IGFBP2: variants seen among roughly 807,000 people sequenced by gnomAD.
IGFBP2 encodes the protein insulin like growth factor binding protein 2.
IGFBP2 carries 12 observed loss-of-function variants against 26.2 expected under a neutral mutation model. The observed-to-expected ratio is 0.46, with a 90% confidence interval of 0.29 to 0.74. The LOEUF (loss-of-function observed/expected upper bound fraction) is 0.74, where lower values mean the gene tolerates loss of function less well. Ranked by LOEUF, IGFBP2 falls within the 30% of genes least tolerant of loss-of-function variation. The pLI is 0.09. For synonymous variants in IGFBP2, 189 were observed against 200.6 expected, an observed-to-expected ratio of 0.94 and a Z score of 0.49; for missense variants, 328 against 441.2, an observed-to-expected ratio of 0.74 and a Z score of 2.30.
intron 1 of IGFBP2, among the ~76,000 whole-genome samples, chr2:216,647,688 T>G (rs528566911): frequency 4.9e-4 from 75 of 151,892 alleles, no homozygotes; most frequent in Non-Finnish European, 9.6e-4. Flanking sequence ...CCTGGCTAAT[T>G]TTTTGTATTT....
At chr2:216,659,551 T>G (rs1697991348) in intron 1 of IGFBP2, 3 of 626,300 alleles carry the variant, frequency 4.8e-6, no homozygotes, top group Non-Finnish European at 8.7e-6. Flanking sequence ...GTCTCCTGGT[T>G]ACAGCTCTGC....
At chr2:216,643,327 G>A (rs1349943179) in intron 1 of IGFBP2, among the ~76,000 whole-genome samples, 2 of 152,118 alleles carry the variant, frequency 1.3e-5, no homozygotes, top group East Asian at 3.9e-4. Context: ...TGAGTACTGG[G>A]GCTCTACCTA....
intron 1 of IGFBP2, among the ~76,000 whole-genome samples, chr2:216,636,243 G>A (rs1466681190): frequency 2.0e-5 from 3 of 152,072 alleles, no homozygotes; most frequent in African/African-American, 4.8e-5. Flanking sequence ...TCCATCTCCC[G>A]TCCCGTCTTC....
intron 1 of IGFBP2, among the ~76,000 whole-genome samples, chr2:216,642,314 T>C (rs1455583518): frequency 7.0e-6 from 1 of 143,834 alleles, no homozygotes; most frequent in Non-Finnish European, 1.5e-5. Context: ...GCATTTTTTT[T>C]TTTTTTTTTT....
At chr2:216,646,520 G>A (rs1000009766) in intron 1 of IGFBP2, among the ~76,000 whole-genome samples, 1 of 152,046 alleles carries the variant, frequency 6.6e-6, no homozygotes, top group Non-Finnish European at 1.5e-5. Flanking sequence ...GCAAGTGCTA[G>A]ATGCTCTTTG....
chr2:216,649,786 C>G (rs1697783418), intron 1 of IGFBP2, among the ~76,000 whole-genome samples: 2 of 152,098 alleles, frequency 1.3e-5, no homozygotes, highest in Non-Finnish European at 2.9e-5. Flanking sequence ...ATAAAGGAGC[C>G]CTTTGGAGAG....
intron 1 of IGFBP2, 88 bp from the exon 2 acceptor site, chr2:216,660,469 A>T (rs1272920986): frequency 5.3e-6 from 5 of 944,092 alleles, no homozygotes; most frequent in Non-Finnish European, 7.9e-6. Context: ...CTCCACCCTC[A>T]TCATCATTAC....
chr2:216,637,035 G>C (rs1311810256), intron 1 of IGFBP2, among the ~76,000 whole-genome samples: 1 of 150,424 alleles, frequency 6.6e-6, no homozygotes, highest in Non-Finnish European at 1.5e-5. Context: ...GTTCAGTGCA[G>C]CTTCAAAAAA....
intron 1 of IGFBP2, among the ~76,000 whole-genome samples, chr2:216,638,552 T>C (rs962339435): frequency 6.6e-5 from 10 of 152,108 alleles, no homozygotes; most frequent in Admixed American, 2.0e-4. Flanking sequence ...ATGGGTTACC[T>C]GAAAGTAGGA....
intron 3 of IGFBP2, chr2:216,662,989 A>AT (rs1199925682): frequency 1.3e-5 from 2 of 152,086 alleles, no homozygotes; most frequent in Non-Finnish European, 2.9e-5. Flanking sequence ...GGGCATTGGG[A>AT]TTTTTATAAA....
rs1277669966 is a variant in IGFBP2 at position 216,649,663 on chromosome 2, G to A, written c.443-10894G>A. The stretch of plus-strand genomic sequence containing the variant: ...GCTCTTCAAGGACAGCTTGGCTCAC[G>A]GGGCCCCAGAGGACCTTGGCTGAAT... On this transcript the variant is annotated intron_variant, in intron 1 of 3. Coordinates refer to ENST00000233809, the MANE Select transcript of IGFBP2 (RefSeq NM_000597.3). 3.9e-5 allele frequency among the ~76,000 whole-genome samples: 6 copies of A among 152,178 alleles called. No homozygotes were observed. The East Asian group carries it at 7.7e-4, about 20-fold the overall frequency.
intron 1 of IGFBP2, among the ~76,000 whole-genome samples, chr2:216,643,724 G>A (rs572072154): frequency 6.6e-6 from 1 of 152,266 alleles, no homozygotes; most frequent in South Asian, 2.1e-4. Flanking sequence ...ACGAAATTGT[G>A]TTGGGCCACA....
chr2:216,634,891 A>AC (rs1697462275), intron 1 of IGFBP2, among the ~76,000 whole-genome samples: 3 of 22,426 alleles, frequency 1.3e-4, no homozygotes, highest in Non-Finnish European at 3.0e-4. Context: ...TAAGGAGGTT[A>AC]CTTTTTTTTT....
intron 1 of IGFBP2, among the ~76,000 whole-genome samples, chr2:216,634,962 C>T (rs1278026918): frequency 1.4e-5 from 2 of 143,212 alleles, no homozygotes; most frequent in African/African-American, 2.6e-5. Flanking sequence ...TATTTTCTTT[C>T]CTCTTGGAGA....
chr2:216,657,705 G>A (rs1697945537), intron 1 of IGFBP2, among the ~76,000 whole-genome samples: 1 of 152,172 alleles, frequency 6.6e-6, no homozygotes, highest in Non-Finnish European at 1.5e-5. Context: ...ACATGGTGGA[G>A]CAGGACTCCA....
At chr2:216,637,152 G>A (rs1478015948) in intron 1 of IGFBP2, among the ~76,000 whole-genome samples, 5 of 152,228 alleles carry the variant, frequency 3.3e-5, no homozygotes, top group Non-Finnish European at 7.3e-5. Context: ...CTAGGGAAAT[G>A]AGTGGGATCT....
At chr2:216,640,641 C>T (rs778061163) in intron 1 of IGFBP2, among the ~76,000 whole-genome samples, 1 of 152,148 alleles carries the variant, frequency 6.6e-6, no homozygotes, top group African/African-American at 2.4e-5. Flanking sequence ...GGTGACTCAG[C>T]GATACGAAAA....
intron 1 of IGFBP2, among the ~76,000 whole-genome samples, chr2:216,655,341 A>G (rs1375576479): frequency 1.3e-5 from 2 of 152,198 alleles, no homozygotes. Flanking sequence ...TAACTGAATC[A>G]TGGGGGTGGG....
At chr2:216,638,856 C>T (rs1347284658) in intron 1 of IGFBP2, among the ~76,000 whole-genome samples, 8 of 143,422 alleles carry the variant, frequency 5.6e-5, no homozygotes, top group Non-Finnish European at 1.2e-4. Flanking sequence ...CCTGCCACCA[C>T]GCCCGGCTAA....
Sources: allele counts gnomAD v4.1 joint callset (sites outside exome capture counted in the v4.1 genomes callset), GRCh38; gene constraint gnomAD v4.1.1; transcripts MANE v1.5; gene names NCBI Gene and HGNC (gene_info 2026-07-23, HGNC 2026-07-21).